Variants in TENM1 observed in about 807,000 individuals in gnomAD.
The protein encoded by TENM1 is teneurin transmembrane protein 1.
TENM1 carries 35 observed loss-of-function variants against 174.8 expected under a neutral mutation model. The observed-to-expected ratio is 0.20, with a 90% CI of 0.15 to 0.27. The LOEUF is 0.27. Ranked by LOEUF, TENM1 falls within the 10% of genes least tolerant of loss-of-function variation. The pLI is 1.00. For missense variants in TENM1, 1,633 were observed against 2,130.1 expected (o/e 0.77, Z 4.59); for synonymous variants, 781 against 798.7 (o/e 0.98, Z 0.37).
Position 124,523,243 on chromosome X carries a change from A to T in TENM1, c.3033+121T>A, listed in dbSNP as rs1323680802. Reference sequence around the variant, plus strand: ...AAAACATTTGAAGACTTCTCTTGACAAATAAAGGGCAGCACATTATAAGGA... The same window carrying T: ...AAAACATTTGAAGACTTCTCTTGACTAATAAAGGGCAGCACATTATAAGGA... On this transcript the variant is annotated intron_variant, in intron 17 of 31. Transcript: ENST00000422452. 7 of 776,031 alleles carry T rather than the reference A, an allele frequency of 9.0e-6. No individual in the cohort carries two copies. The Admixed American group carries it at 1.9e-4, about 21-fold the overall frequency. 64.0% of individuals were successfully genotyped at this position (776,031 alleles called of 1,213,427 possible).
At chrX:125,083,404 C>A in the TENM1 span, among the ~76,000 whole-genome samples, 1 of 110,339 alleles carries the variant, frequency 9.1e-6, no homozygotes, top group Non-Finnish European at 1.9e-5. Flanking sequence ...ACCCTTATCT[C>A]TCAAGTCTAA....
At position 124,562,454 on chromosome X, in the gene TENM1, A is replaced by G. The variant is rs760665832; in HGVS notation, c.2288-637T>C. Among the ~76,000 whole-genome samples, 9 of 112,782 alleles carry G rather than the reference A, an allele frequency of 8.0e-5. No homozygotes were observed. The South Asian group carries it at 3.3e-3, about 41-fold the overall frequency. ...GGTATCTCTCTCAAAAGCTTGCATG[A>G]TATTATGCTTATAACAATAATATTA... On this transcript the variant is annotated intron_variant, in intron 13 of 31. Transcript: ENST00000422452.
chrX:124,548,627 T>A (rs1017756810), intron 14 of TENM1, among the ~76,000 whole-genome samples: 1 of 111,801 alleles, frequency 8.9e-6, no homozygotes, highest in Non-Finnish European at 1.9e-5. Context: ...CAAGGGTAAA[T>A]ATAAAGACAC....
At chrX:125,155,371 A>C in the TENM1 span, among the ~76,000 whole-genome samples, 2 of 112,044 alleles carry the variant, frequency 1.8e-5, no homozygotes, top group Non-Finnish European at 3.8e-5. Flanking sequence ...AGGTTCTCCA[A>C]GTCCCCACTA....
exon 11 of TENM1, chrX:124,641,963 G>A: frequency 8.3e-7 from 1 of 1,211,762 alleles, no homozygotes; most frequent in Non-Finnish European, 1.1e-6. Flanking sequence ...AGATGCCATG[G>A]TTGGAACACA....
intron 16 of TENM1, among the ~76,000 whole-genome samples, chrX:124,527,184 A>G (rs1186124050): frequency 6.2e-5 from 7 of 112,205 alleles, no homozygotes; most frequent in Non-Finnish European, 1.1e-4. Flanking sequence ...GTAGACACTC[A>G]TAAACATTCA....
At chrX:124,856,690 C>A (rs921478300) in intron 3 of TENM1, among the ~76,000 whole-genome samples, 1 of 111,125 alleles carries the variant, frequency 9.0e-6, no homozygotes, top group African/African-American at 3.3e-5. Context: ...AAATACCATT[C>A]TTTAGTCATT....
At position 124,399,394 on chromosome X, in the gene TENM1, T is replaced by C. The variant is rs780856136; in HGVS notation, c.5391+5637A>G. On this transcript the variant is annotated intron_variant, in intron 27 of 31. Transcript: ENST00000422452. ...TGCACCATCCATGTCCCTCTTTTTA[T>C]AGATGAGAAAAGTGCAAAATTATGG... Among the ~76,000 whole-genome samples, 3 of 112,112 alleles carry C rather than the reference T, an allele frequency of 2.7e-5. No individual in the cohort carries two copies. The South Asian group carries it at 1.1e-3, about 42-fold the overall frequency.
At chrX:125,012,649 T>C in the TENM1 span, among the ~76,000 whole-genome samples, 7 of 111,701 alleles carry the variant, frequency 6.3e-5, no homozygotes, top group Admixed American at 1.9e-4. Context: ...TAGATATTCA[T>C]AGGATAGCAT....
chrX:125,084,448 T>C, the TENM1 span, among the ~76,000 whole-genome samples: 6 of 111,227 alleles, frequency 5.4e-5, no homozygotes, highest in South Asian at 2.3e-3. Context: ...TTAGTAGTAT[T>C]ACCTATTAAT....
chrX:125,149,238 T>TGCTAC, the TENM1 span, among the ~76,000 whole-genome samples: 1 of 112,451 alleles, frequency 8.9e-6, no homozygotes, highest in Non-Finnish European at 1.9e-5. Flanking sequence ...CAATATACAC[T>TGCTAC]GCTACTTTTT....
At chrX:124,866,730 GT>G (rs1192280288) in intron 3 of TENM1, among the ~76,000 whole-genome samples, 2 of 110,583 alleles carry the variant, frequency 1.8e-5, no homozygotes, top group Non-Finnish European at 3.8e-5. Context: ...TGAAACAAAA[GT>G]TTTTTTAAGT....
intron 23 of TENM1, among the ~76,000 whole-genome samples, chrX:124,445,057 G>A (rs1325426104): frequency 2.7e-5 from 3 of 111,870 alleles, no homozygotes; most frequent in African/African-American, 9.7e-5. Flanking sequence ...ATTAAAAACA[G>A]GGGAACATAA....
intron 3 of TENM1, among the ~76,000 whole-genome samples, chrX:124,863,442 A>AACCTTAAT (rs2056949270): frequency 2.7e-5 from 3 of 111,147 alleles, no homozygotes; most frequent in African/African-American, 9.8e-5. Flanking sequence ...CTGATTTAAA[A>AACCTTAAT]GACCCTCTGC....
intron 3 of TENM1, among the ~76,000 whole-genome samples, chrX:124,821,748 T>C (rs747619567): frequency 8.9e-6 from 1 of 111,995 alleles, no homozygotes; most frequent in African/African-American, 3.2e-5. Flanking sequence ...AGGACAAATA[T>C]ATGAACTTTA....
chrX:124,741,941 T>G (rs747934127), intron 3 of TENM1, among the ~76,000 whole-genome samples: 1 of 112,311 alleles, frequency 8.9e-6, no homozygotes, highest in Admixed American at 9.4e-5. Flanking sequence ...AACATCCCAA[T>G]GGCAAAGGAA....
At chrX:124,626,684 T>C (rs996114260) in intron 11 of TENM1, among the ~76,000 whole-genome samples, 3 of 112,245 alleles carry the variant, frequency 2.7e-5, no homozygotes, top group Non-Finnish European at 5.6e-5. Context: ...AGTTAATCAT[T>C]CCTTGGGAGC....
At chrX:124,523,977 C>T (rs776389530) in intron 16 of TENM1, among the ~76,000 whole-genome samples, 1 of 106,681 alleles carries the variant, frequency 9.4e-6, no homozygotes, top group African/African-American at 3.4e-5. Flanking sequence ...TGGGTTCAAG[C>T]GATTCTCCTG....
intron 4 of TENM1, among the ~76,000 whole-genome samples, chrX:124,709,106 T>G (rs1174188225): frequency 1.8e-5 from 2 of 111,982 alleles, no homozygotes; most frequent in Non-Finnish European, 3.8e-5. Context: ...ATAATAATGT[T>G]AGTAAGAGAT....
Sources: allele counts gnomAD v4.1 joint callset (sites outside exome capture counted in the v4.1 genomes callset), GRCh38; gene constraint gnomAD v4.1.1; transcripts MANE v1.5; gene names NCBI Gene and HGNC (gene_info 2026-07-23, HGNC 2026-07-21).